FTCDNL1: variants seen among roughly 807,000 people sequenced by gnomAD.
The protein encoded by FTCDNL1 is formiminotransferase N-terminal subdomain-containing protein.
A neutral mutation model predicts 5.9 loss-of-function variants in FTCDNL1; 11 were observed. The observed-to-expected ratio is 1.87, with a 90% CI of 1.18 to 3.10. FTCDNL1 has a LOEUF of 3.10. Among genes scored for constraint, FTCDNL1 ranks in the 30% most tolerant of loss-of-function variants. The probability of loss-of-function intolerance (pLI) is 0.00; values close to 1 mark genes in which losing one functional copy is unlikely to be tolerated. For missense variants in FTCDNL1, 115 were observed against 65.5 expected, an observed-to-expected ratio of 1.76 and a Z score of -2.61; for synonymous variants, 58 against 24.8, an observed-to-expected ratio of 2.34 and a Z score of -3.99.
chr2:199,816,397 T>C (rs1289670192), intron 4 of FTCDNL1, among the ~76,000 whole-genome samples: 1 of 152,222 alleles, frequency 6.6e-6, no homozygotes, highest in Admixed American at 6.5e-5. Context: ...AAATATAATC[T>C]GAATACAGGC....
the FTCDNL1 span, among the ~76,000 whole-genome samples, chr2:199,700,026 C>T: frequency 6.6e-6 from 1 of 152,108 alleles, no homozygotes; most frequent in Admixed American, 6.5e-5. Flanking sequence ...TCCTATTCAA[C>T]ATAGTACTGG....
chr2:199,753,276 C>T, the FTCDNL1 span, among the ~76,000 whole-genome samples: 1 of 152,136 alleles, frequency 6.6e-6, no homozygotes, highest in Non-Finnish European at 1.5e-5. Context: ...ATAGGAGTTT[C>T]CCAAGCTGCA....
At chr2:199,771,555 A>G (rs1298432410) in intron 3 of FTCDNL1, among the ~76,000 whole-genome samples, 1 of 152,274 alleles carries the variant, frequency 6.6e-6, no homozygotes, top group African/African-American at 2.4e-5. Flanking sequence ...AACACAGTTT[A>G]AGACTCTCAG....
intron 3 of FTCDNL1, among the ~76,000 whole-genome samples, chr2:199,801,494 A>C (rs1472371875): frequency 6.6e-6 from 1 of 152,086 alleles, no homozygotes; most frequent in African/African-American, 2.4e-5. Context: ...CAAAAATAAA[A>C]AGTAAAAAAA....
In FTCDNL1 at chr2:199,848,921, T is replaced by G. The variant is rs946303604; in HGVS notation, c.42A>C (p.Leu14Phe). The G allele has an allele frequency of 8.5e-6, 6 of 702,182 alleles. No homozygotes were observed. Among genetic ancestry groups the G allele is most frequent in the Non-Finnish European group, 1.6e-5 (6 of 384,782 alleles). The allele number at this position is 702,182 out of a possible 1,614,324, so 43.5% of individuals were successfully genotyped here. ...TTCTTCCGGCTTCTGAAACGTTTAG[T>G]AAACAGGCAGCCAAACGGAGCCCCA... Reference protein sequence around the residue: ...SRVGLRLAACLLNVSEAGRKY... With the variant: ...SRVGLRLAACFLNVSEAGRKY... The change falls in exon 2 of 5, where the codon TTA (leucine) becomes TTC (phenylalanine). Residue 14 changes from leucine to phenylalanine, a missense_variant. Coordinates refer to ENST00000420128, the MANE Select transcript of FTCDNL1 (RefSeq NM_001363886.2).
chr2:199,831,588 C>T (rs1379356837), intron 3 of FTCDNL1, among the ~76,000 whole-genome samples: 1 of 152,076 alleles, frequency 6.6e-6, no homozygotes, highest in Non-Finnish European at 1.5e-5. Context: ...TACAAACATA[C>T]ACAAGCAATA....
At chr2:199,838,833 A>G (rs1023684229) in intron 3 of FTCDNL1, among the ~76,000 whole-genome samples, 7 of 152,174 alleles carry the variant, frequency 4.6e-5, no homozygotes. Context: ...TGAGTAATGA[A>G]AAGAGAGGAA....
chr2:199,742,308 C>T, the FTCDNL1 span, among the ~76,000 whole-genome samples: 7 of 152,124 alleles, frequency 4.6e-5, no homozygotes, highest in African/African-American at 1.7e-4. Flanking sequence ...GTGGGTACCT[C>T]CCTCCATTTA....
chr2:199,682,613 T>G, the FTCDNL1 span, among the ~76,000 whole-genome samples: 1 of 152,192 alleles, frequency 6.6e-6, no homozygotes, highest in Non-Finnish European at 1.5e-5. Flanking sequence ...ACATACACAG[T>G]GTTTGTATGA....
the FTCDNL1 span, among the ~76,000 whole-genome samples, chr2:199,664,178 A>C: frequency 3.5e-3 from 530 of 152,324 alleles, 3 homozygotes; most frequent in African/African-American, 0.012. Context: ...TAGCATTTCA[A>C]GATAAAACTA....
chr2:199,685,349 G>C, the FTCDNL1 span, among the ~76,000 whole-genome samples: 2 of 152,112 alleles, frequency 1.3e-5, no homozygotes, highest in Non-Finnish European at 2.9e-5. Context: ...GTGGGCCTTA[G>C]AGTGGATAAA....
intron 3 of FTCDNL1, among the ~76,000 whole-genome samples, chr2:199,800,972 T>A (rs189856311): frequency 2.9e-4 from 44 of 152,380 alleles, no homozygotes; most frequent in African/African-American, 1.0e-3. Flanking sequence ...AACCACATCC[T>A]TTGCTTACAA....
At chr2:199,762,483 A>G (rs1698317907) in intron 3 of FTCDNL1, among the ~76,000 whole-genome samples, 1 of 152,224 alleles carries the variant, frequency 6.6e-6, no homozygotes, top group South Asian at 2.1e-4. Flanking sequence ...GCTTGGTTTA[A>G]TGCTTATCTT....
At chr2:199,680,902 A>C in the FTCDNL1 span, among the ~76,000 whole-genome samples, 1 of 152,010 alleles carries the variant, frequency 6.6e-6, no homozygotes, top group Non-Finnish European at 1.5e-5. Context: ...TCTTGTTCTC[A>C]CCTGCTCACT....
At chr2:199,679,207 T>C in the FTCDNL1 span, among the ~76,000 whole-genome samples, 2 of 152,164 alleles carry the variant, frequency 1.3e-5, no homozygotes, top group African/African-American at 2.4e-5. Flanking sequence ...TTATTGTTTA[T>C]GGTTCTTCTG....
chr2:199,804,515 GCTTTC>G (rs1415345187), downstream of FTCDNL1, among the ~76,000 whole-genome samples: 1 of 152,158 alleles, frequency 6.6e-6, no homozygotes. Context: ...CTGGCCCAAT[GCTTTC>G]CATGGCATTT....
At chr2:199,774,549 G>C (rs571517803) in intron 3 of FTCDNL1, among the ~76,000 whole-genome samples, 30 of 152,182 alleles carry the variant, frequency 2.0e-4, no homozygotes, top group African/African-American at 7.2e-4. Flanking sequence ...GGGGCTTTAG[G>C]GGGTGGGCAT....
At chr2:199,823,954 C>A (rs1470403915) in intron 3 of FTCDNL1, among the ~76,000 whole-genome samples, 1 of 152,160 alleles carries the variant, frequency 6.6e-6, no homozygotes, top group Non-Finnish European at 1.5e-5. Flanking sequence ...CACTGAAAAT[C>A]TGTTTAGTGT....
chr2:199,676,251 T>G, the FTCDNL1 span, among the ~76,000 whole-genome samples: 1 of 152,182 alleles, frequency 6.6e-6, no homozygotes, highest in African/African-American at 2.4e-5. Flanking sequence ...CTATGGCCCA[T>G]TCTAATGTTT....
Sources: allele counts gnomAD v4.1 joint callset (sites outside exome capture counted in the v4.1 genomes callset), GRCh38; gene constraint gnomAD v4.1.1; transcripts MANE v1.5; gene names NCBI Gene and HGNC (gene_info 2026-07-23, HGNC 2026-07-21).